NKAIN3: variants seen among roughly 807,000 people sequenced by gnomAD.
NKAIN3 encodes sodium/potassium transporting ATPase interacting 3.
NKAIN3 carries 25 observed loss-of-function variants against 30.2 expected under a neutral mutation model. The ratio of observed to expected loss-of-function variants is 0.83; its 90% confidence interval spans 0.60 to 1.16. NKAIN3 has a LOEUF of 1.16. NKAIN3 is among the 50% of genes most tolerant of loss of function. The pLI is 0.00. For missense variants in NKAIN3, 225 were observed against 254.1 expected (o/e 0.89, Z 0.78); for synonymous variants, 91 against 89.6 (o/e 1.02, Z -0.09).
chr8:62,483,753 C>A, intron 1 of NKAIN3: 1 of 293,058 alleles, frequency 3.4e-6, no homozygotes, highest in South Asian at 4.1e-5. Flanking sequence ...GGGAGGCTTT[C>A]ATTCCGCATT....
At chr8:62,922,745 A>ATTTTTTTTTTT (rs10714004) in intron 5 of NKAIN3, among the ~76,000 whole-genome samples, 1 of 146,390 alleles carries the variant, frequency 6.8e-6, no homozygotes, top group Non-Finnish European at 1.5e-5. Context: ...CAGTGCATAT[A>ATTTTTTTTTTT]TTTTTTTTTT....
chr8:62,280,811 A>T (rs924915767), intron 1 of NKAIN3, among the ~76,000 whole-genome samples: 5 of 152,148 alleles, frequency 3.3e-5, no homozygotes, highest in African/African-American at 1.2e-4. Context: ...ATCGATGTTC[A>T]TCAGGGATAT....
At chr8:62,961,279 CA>C (rs77292554) in intron 6 of NKAIN3, among the ~76,000 whole-genome samples, 91 of 136,070 alleles carry the variant, frequency 6.7e-4, no homozygotes, top group Non-Finnish European at 8.4e-4. Context: ...GACTCTGTCT[CA>C]AAAAAAAAAA....
intron 1 of NKAIN3, among the ~76,000 whole-genome samples, chr8:62,324,527 A>G (rs73683098): frequency 0.033 from 5,061 of 152,184 alleles, 312 homozygotes; most frequent in African/African-American, 0.12. Flanking sequence ...AATTAATAAG[A>G]TGCATATTAG....
At chr8:62,727,399 G>T (rs1815293915) in intron 3 of NKAIN3, among the ~76,000 whole-genome samples, 2 of 152,140 alleles carry the variant, frequency 1.3e-5, no homozygotes, top group African/African-American at 4.8e-5. Flanking sequence ...TGGAAAGGAA[G>T]AAATAAAACT....
rs1267106267 is a variant in NKAIN3 at position 62,980,970 on chromosome 8, T to C, written c.*15563T>C. 1.3e-5 allele frequency: 2 copies of C among 152,214 alleles called. No homozygotes were observed. The highest frequency in any genetic ancestry group is 4.8e-5 in the African/African-American group (2 of 41,458). The allele number at this position is 152,214 out of a possible 1,614,324, so 9.4% of individuals were successfully genotyped here. ...CCCAGAAGTCAAAATCACCTGGCCCTCTGTAAATTTCTCTTTGTGTTCCTA... is the reference window on the plus strand; with the variant it reads ...CCCAGAAGTCAAAATCACCTGGCCCCCTGTAAATTTCTCTTTGTGTTCCTA... On this transcript the variant is annotated 3_prime_UTR_variant, in exon 7 of 7. Coordinates refer to ENST00000623646, the MANE Select transcript of NKAIN3 (RefSeq NM_001304533.3).
At chr8:62,649,609 G>T (rs1205035506) in intron 3 of NKAIN3, among the ~76,000 whole-genome samples, 9 of 152,162 alleles carry the variant, frequency 5.9e-5, no homozygotes, top group Admixed American at 3.3e-4. Context: ...CAGTAAGGAT[G>T]GTGTCAGCTG....
At chr8:62,712,218 T>G (rs7816460) in intron 3 of NKAIN3, among the ~76,000 whole-genome samples, 4,127 of 152,238 alleles carry the variant, frequency 0.027, 195 homozygotes, top group African/African-American at 0.094. Context: ...GTTGGCCTCC[T>G]GCGAGGAGGT....
intron 4 of NKAIN3, among the ~76,000 whole-genome samples, chr8:62,852,582 T>C (rs893062256): frequency 1.2e-4 from 19 of 152,184 alleles, no homozygotes; most frequent in Admixed American, 6.5e-5. Context: ...CTTTCTCTTG[T>C]GGGCATTCAG....
intron 1 of NKAIN3, among the ~76,000 whole-genome samples, chr8:62,493,536 A>G (rs976775493): frequency 6.6e-6 from 1 of 152,084 alleles, no homozygotes; most frequent in African/African-American, 2.4e-5. Context: ...TGAATTTTTA[A>G]AATTTTTTTC....
chr8:62,596,087 G>A (rs980791454), intron 3 of NKAIN3, among the ~76,000 whole-genome samples: 1 of 152,040 alleles, frequency 6.6e-6, no homozygotes, highest in Non-Finnish European at 1.5e-5. Flanking sequence ...TTGGCCATCT[G>A]ATGGGTACTA....
At chr8:62,653,236 C>G (rs1165239938) in intron 3 of NKAIN3, among the ~76,000 whole-genome samples, 1 of 152,140 alleles carries the variant, frequency 6.6e-6, no homozygotes, top group African/African-American at 2.4e-5. Context: ...TGGTGAGGCC[C>G]CTCTTCCTGG....
At chr8:62,451,685 A>G (rs1421599633) in intron 1 of NKAIN3, among the ~76,000 whole-genome samples, 3 of 152,154 alleles carry the variant, frequency 2.0e-5, no homozygotes, top group African/African-American at 4.8e-5. Flanking sequence ...TGAGGCTTTT[A>G]TGTTTTTTGA....
At chr8:62,553,695 C>T (rs1366083476) in intron 1 of NKAIN3, among the ~76,000 whole-genome samples, 1 of 151,962 alleles carries the variant, frequency 6.6e-6, no homozygotes, top group East Asian at 1.9e-4. Context: ...CACCAACACA[C>T]CCGGCTAATT....
chr8:62,524,225 A>AT (rs1554542811), intron 1 of NKAIN3, among the ~76,000 whole-genome samples: 3 of 148,366 alleles, frequency 2.0e-5, no homozygotes, highest in African/African-American at 4.9e-5. Flanking sequence ...CCCCCACCAA[A>AT]ATATATATAT....
At chr8:62,442,660 T>C (rs1563400879) in intron 1 of NKAIN3, among the ~76,000 whole-genome samples, 1 of 151,906 alleles carries the variant, frequency 6.6e-6, no homozygotes, top group Non-Finnish European at 1.5e-5. Flanking sequence ...TTATGTTTTT[T>C]ATAATATCTA....
At chr8:62,630,637 G>C (rs1442731162) in intron 3 of NKAIN3, among the ~76,000 whole-genome samples, 1 of 152,104 alleles carries the variant, frequency 6.6e-6, no homozygotes, top group Non-Finnish European at 1.5e-5. Context: ...CATCTTGATT[G>C]CTTTCCCCAA....
intron 4 of NKAIN3, among the ~76,000 whole-genome samples, chr8:62,878,494 T>C (rs1288162964): frequency 6.6e-6 from 1 of 152,010 alleles, no homozygotes; most frequent in Non-Finnish European, 1.5e-5. Context: ...TGTTGTTGTG[T>C]TCTGTTGTTG....
intron 1 of NKAIN3, among the ~76,000 whole-genome samples, chr8:62,495,392 T>C (rs1807202553): frequency 6.6e-6 from 1 of 151,878 alleles, no homozygotes; most frequent in Admixed American, 6.6e-5. Flanking sequence ...ATGAATAAAG[T>C]GTTTAAAATG....
Sources: allele counts gnomAD v4.1 joint callset (sites outside exome capture counted in the v4.1 genomes callset), GRCh38; gene constraint gnomAD v4.1.1; transcripts MANE v1.5; gene names NCBI Gene and HGNC (gene_info 2026-07-23, HGNC 2026-07-21).